GTF2E2: variants seen among roughly 807,000 people sequenced by gnomAD.
The protein encoded by GTF2E2 is general transcription factor IIE subunit 2.
A neutral mutation model predicts 40.5 loss-of-function variants in GTF2E2; 21 were observed. The ratio of observed to expected loss-of-function variants is 0.52; its 90% confidence interval spans 0.37 to 0.75. GTF2E2 has a LOEUF of 0.75. Among genes scored for constraint, GTF2E2 ranks in the 30% least tolerant of loss-of-function variants. The pLI is 0.00. For synonymous variants in GTF2E2, 117 were observed against 121.6 expected, an observed-to-expected ratio of 0.96 and a Z score of 0.25; for missense variants, 298 against 338.4, an observed-to-expected ratio of 0.88 and a Z score of 0.94.
intron 7 of GTF2E2, among the ~76,000 whole-genome samples, chr8:30,579,860 G>A (rs763013411): frequency 1.3e-5 from 2 of 152,222 alleles, no homozygotes; most frequent in Non-Finnish European, 2.9e-5. Flanking sequence ...TAGAGGACCT[G>A]AAAGTTACTA....
intron 6 of GTF2E2, among the ~76,000 whole-genome samples, chr8:30,586,749 C>T (rs759689409): frequency 2.6e-5 from 4 of 152,106 alleles, no homozygotes; most frequent in Non-Finnish European, 5.9e-5. Context: ...CAAGAACACA[C>T]AATGGGAAAA....
intron 6 of GTF2E2, among the ~76,000 whole-genome samples, chr8:30,591,871 C>T (rs1482028543): frequency 1.3e-5 from 2 of 152,040 alleles, no homozygotes; most frequent in East Asian, 3.8e-4. Context: ...AGTGGAAAAA[C>T]CCAAATATCC....
intron 2 of GTF2E2, chr8:30,637,325 C>G (rs919697555): frequency 2.2e-6 from 1 of 455,168 alleles, no homozygotes; most frequent in East Asian, 7.0e-5. Context: ...ACACAAATGG[C>G]CAATTATGAA....
chr8:30,638,732 G>A (rs1801696807), intron 2 of GTF2E2: 1 of 152,460 alleles, frequency 6.6e-6, no homozygotes, highest in Non-Finnish European at 1.5e-5. Context: ...AGAAAGCTTT[G>A]CTCCTACTAA....
At chr8:30,621,090 T>C (rs1801087084) in intron 3 of GTF2E2, among the ~76,000 whole-genome samples, 1 of 152,074 alleles carries the variant, frequency 6.6e-6, no homozygotes, top group Admixed American at 6.5e-5. Context: ...TATTTTTCCA[T>C]ATTCTCCATT....
chr8:30,656,623 A>G (rs1802456075), intron 1 of GTF2E2, among the ~76,000 whole-genome samples: 1 of 152,278 alleles, frequency 6.6e-6, no homozygotes, highest in South Asian at 2.1e-4. Flanking sequence ...TCTGGCCAAC[A>G]TGGTGAAACT....
chr8:30,631,191 C>A (rs1799569783), intron 3 of GTF2E2, among the ~76,000 whole-genome samples: 1 of 151,950 alleles, frequency 6.6e-6, no homozygotes, highest in African/African-American at 2.4e-5. Context: ...TGGTTAATTT[C>A]TTTTTGTATT....
intron 2 of GTF2E2, among the ~76,000 whole-genome samples, chr8:30,641,445 C>T (rs1251977766): frequency 6.6e-6 from 1 of 152,180 alleles, no homozygotes; most frequent in Non-Finnish European, 1.5e-5. Flanking sequence ...TCACTGCAAC[C>T]TCAACCTCCT....
intron 3 of GTF2E2, among the ~76,000 whole-genome samples, chr8:30,623,109 G>C (rs1306898277): frequency 6.6e-6 from 1 of 152,088 alleles, no homozygotes; most frequent in Non-Finnish European, 1.5e-5. Context: ...TTAGAGACTG[G>C]AGTAAAGAAA....
chr8:30,650,678 C>T (rs554976527), intron 2 of GTF2E2, among the ~76,000 whole-genome samples: 6 of 151,910 alleles, frequency 3.9e-5, no homozygotes, highest in East Asian at 3.9e-4. Flanking sequence ...TGATCATGCC[C>T]GTACTCCAGC....
intron 5 of GTF2E2, 31 bp downstream of exon 5, chr8:30,612,268 T>C: frequency 2.3e-6 from 3 of 1,333,218 alleles, no homozygotes; most frequent in Non-Finnish European, 1.1e-6. Flanking sequence ...ATTCAAATTA[T>C]ATTAAGACAT....
At chr8:30,602,443 T>C (rs1585952696) in intron 6 of GTF2E2, among the ~76,000 whole-genome samples, 1 of 152,178 alleles carries the variant, frequency 6.6e-6, no homozygotes, top group South Asian at 2.1e-4. Flanking sequence ...GGTTATATTA[T>C]CTATGAACTT....
intron 3 of GTF2E2, among the ~76,000 whole-genome samples, chr8:30,631,061 T>C (rs1801426564): frequency 6.6e-6 from 1 of 152,102 alleles, no homozygotes; most frequent in Admixed American, 6.5e-5. Context: ...AAGGTCTCAA[T>C]GTGTCGCCCA....
chr8:30,584,685 T>A (rs1366835721), intron 6 of GTF2E2: 1 of 152,226 alleles, frequency 6.6e-6, no homozygotes, highest in Non-Finnish European at 1.5e-5. Context: ...AACTTACCAA[T>A]GAGGCTTTGC....
intron 6 of GTF2E2, among the ~76,000 whole-genome samples, chr8:30,590,607 C>T (rs62505280): frequency 0.23 from 35,207 of 152,000 alleles, 4,463 homozygotes; most frequent in South Asian, 0.39. Context: ...ATCTTCATGA[C>T]CTTGGATTAG....
intron 5 of GTF2E2, among the ~76,000 whole-genome samples, chr8:30,608,402 ATTC>A (rs1448566417): frequency 2.6e-5 from 4 of 152,230 alleles, no homozygotes; most frequent in South Asian, 2.1e-4. Flanking sequence ...ATATGACAGT[ATTC>A]TTCTTTTTGA....
At chr8:30,652,575 G>A (rs539519857) in intron 2 of GTF2E2, among the ~76,000 whole-genome samples, 98 of 151,274 alleles carry the variant, frequency 6.5e-4, no homozygotes, top group Non-Finnish European at 1.3e-3. Context: ...AATTTCAAGC[G>A]TTAGCAAGGA....
At chr8:30,618,770 T>G (rs1483493583) in intron 3 of GTF2E2, among the ~76,000 whole-genome samples, 2 of 152,220 alleles carry the variant, frequency 1.3e-5, no homozygotes, top group Non-Finnish European at 2.9e-5. Context: ...AAAGCTGGCA[T>G]TTAATGATGT....
In GTF2E2 at chr8:30,586,169, C is replaced by T. The variant is rs554894947; in HGVS notation, c.644-5773G>A. Among the ~76,000 whole-genome samples, 13 of 152,258 alleles carry T rather than the reference C, an allele frequency of 8.5e-5. No individual in the cohort carries two copies. The South Asian group carries it at 2.5e-3, about 29-fold the overall frequency. The stretch of plus-strand genomic sequence containing the variant: ...TTCCTTTAACAACACGTGTTATTAA[C>T]GTGACTTTTTATCCTCAAAAGTGTC... On this transcript the variant is annotated intron_variant, in intron 6 of 7. Coordinates refer to ENST00000355904, the MANE Select transcript of GTF2E2 (RefSeq NM_002095.6).
Sources: gnomAD v4.1 joint callset for allele counts (sites outside exome capture counted in the v4.1 genomes callset) on GRCh38, gnomAD v4.1.1 for gene constraint, MANE v1.5 for transcripts, NCBI Gene and HGNC (gene_info 2026-07-23, HGNC 2026-07-21) for gene names.